Variants in SNCAIP observed in about 807,000 individuals in gnomAD.
The protein encoded by SNCAIP is synphilin-1.
Under a neutral mutation model 86.7 loss-of-function variants are expected in SNCAIP, and 43 were observed. That is an observed-to-expected ratio of 0.50 (90% confidence interval 0.39 to 0.64). The LOEUF is 0.64. Ranked by LOEUF, SNCAIP falls within the 30% of genes least tolerant of loss-of-function variation. The pLI is 0.00. For missense variants in SNCAIP, 981 were observed against 1,103.1 expected, an observed-to-expected ratio of 0.89 and a Z score of 1.57; for synonymous variants, 417 against 427.2, an observed-to-expected ratio of 0.98 and a Z score of 0.29.
intron 9 of SNCAIP, 54 bp downstream of exon 9, chr5:122,449,991 C>G: frequency 1.7e-6 from 2 of 1,208,130 alleles, no homozygotes; most frequent in Non-Finnish European, 2.5e-6. Flanking sequence ...ATTGTTAAGC[C>G]TTCTTCTGAA....
At chr5:122,384,997 A>C (rs373215052) in intron 1 of SNCAIP, among the ~76,000 whole-genome samples, 1 of 152,264 alleles carries the variant, frequency 6.6e-6, no homozygotes, top group East Asian at 1.9e-4. Flanking sequence ...GCCTGTTCCC[A>C]TACTGAAAGC....
At chr5:122,398,853 A>C (rs772790736) in intron 2 of SNCAIP, among the ~76,000 whole-genome samples, 1 of 152,134 alleles carries the variant, frequency 6.6e-6, no homozygotes, top group Non-Finnish European at 1.5e-5. Context: ...CCGTAGCCCA[A>C]CGTAGAAATC....
At chr5:122,337,298 A>C (rs1756681882) in intron 1 of SNCAIP, among the ~76,000 whole-genome samples, 1 of 152,136 alleles carries the variant, frequency 6.6e-6, no homozygotes, top group African/African-American at 2.4e-5. Context: ...CATTAGGAAA[A>C]ATGTAAGCAT....
At chr5:122,376,292 G>A (rs1580797251) in intron 1 of SNCAIP, among the ~76,000 whole-genome samples, 1 of 152,256 alleles carries the variant, frequency 6.6e-6, no homozygotes, top group East Asian at 1.9e-4. Flanking sequence ...GGCAATCAGG[G>A]TTGTGATGTG....
intron 1 of SNCAIP, among the ~76,000 whole-genome samples, chr5:122,359,144 A>G (rs1761696660): frequency 1.3e-5 from 2 of 152,050 alleles, no homozygotes; most frequent in Admixed American, 6.6e-5. Flanking sequence ...TCAAATAAGA[A>G]TTCTGTCAGA....
chr5:122,351,664 C>A (rs567257674), intron 1 of SNCAIP, among the ~76,000 whole-genome samples: 31 of 151,190 alleles, frequency 2.1e-4, no homozygotes, highest in Non-Finnish European at 2.9e-4. Context: ...TCATTAGGAC[C>A]CAGACAAGCC....
chr5:122,370,338 TATTA>T (rs979235849), intron 1 of SNCAIP, among the ~76,000 whole-genome samples: 109 of 151,398 alleles, frequency 7.2e-4, no homozygotes, highest in African/African-American at 2.2e-3. Flanking sequence ...TATTTATTGA[TATTA>T]ATTAATTATT....
chr5:122,327,586 C>G (rs1754367576), intron 1 of SNCAIP, among the ~76,000 whole-genome samples: 1 of 152,142 alleles, frequency 6.6e-6, no homozygotes, highest in Non-Finnish European at 1.5e-5. Flanking sequence ...CCCCTGAGCT[C>G]TTTCTCTCTC....
intron 6 of SNCAIP, among the ~76,000 whole-genome samples, chr5:122,433,032 G>A (rs1377769823): frequency 6.6e-6 from 1 of 151,838 alleles, no homozygotes; most frequent in African/African-American, 2.4e-5. Flanking sequence ...TCAAAAAGTA[G>A]ACAACACTAT....
intron 2 of SNCAIP, among the ~76,000 whole-genome samples, chr5:122,397,191 T>C (rs1770797360): frequency 6.6e-6 from 1 of 152,140 alleles, no homozygotes; most frequent in South Asian, 2.1e-4. Context: ...GCAGGTAGTC[T>C]GACTCTAGAA....
chr5:122,404,368 A>C (rs1183617454), intron 3 of SNCAIP, among the ~76,000 whole-genome samples: 1 of 152,244 alleles, frequency 6.6e-6, no homozygotes, highest in Non-Finnish European at 1.5e-5. Flanking sequence ...GGAGTTTAAT[A>C]GTGTAAACTA....
At chr5:122,321,843 G>T (rs772467959) in intron 1 of SNCAIP, 1 of 152,094 alleles carries the variant, frequency 6.6e-6, no homozygotes, top group Non-Finnish European at 1.5e-5. Context: ...ACCTAGAATT[G>T]TATTGAGACT....
intron 1 of SNCAIP, among the ~76,000 whole-genome samples, chr5:122,372,244 T>C (rs1764421797): frequency 6.6e-6 from 1 of 152,196 alleles, no homozygotes; most frequent in Admixed American, 6.5e-5. Flanking sequence ...GTCAGGCCAA[T>C]GTTGTGTTTC....
intron 1 of SNCAIP, among the ~76,000 whole-genome samples, chr5:122,352,817 C>G (rs760413942): frequency 6.6e-6 from 1 of 152,050 alleles, no homozygotes; most frequent in African/African-American, 2.4e-5. Context: ...CAAGACCAGC[C>G]TAGGCAGCAC....
intron 1 of SNCAIP, among the ~76,000 whole-genome samples, chr5:122,380,861 T>C (rs1326659183): frequency 2.0e-5 from 3 of 152,278 alleles, no homozygotes; most frequent in Middle Eastern, 3.4e-3. Context: ...TTAAGTGAGA[T>C]TCTTAATCCT....
intron 3 of SNCAIP, among the ~76,000 whole-genome samples, chr5:122,405,314 G>A (rs1308333321): frequency 6.6e-6 from 1 of 152,156 alleles, no homozygotes; most frequent in South Asian, 2.1e-4. Flanking sequence ...GTATCAAAAG[G>A]TTACTTTGCA....
intron 1 of SNCAIP, among the ~76,000 whole-genome samples, chr5:122,351,536 C>CAAAAAAAAAAAAATAAAAAA (rs1759798860): frequency 2.7e-5 from 1 of 36,492 alleles, no homozygotes; most frequent in Non-Finnish European, 5.3e-5. Context: ...GACTCTGTAT[C>CAAAAAAAAAAAAATAAAAAA]AAAAAAAAAA....
rs1420588563 is a variant in SNCAIP, at chr5:122,348,382, G to T, written c.-47+36098G>T. ...TTCTTGAATAGTGGGATGGTAAAAG[G>T]TCCCTGCCCTCATCGTCTGAGTCCC... On this transcript the variant is annotated intron_variant, in intron 1 of 10. Coordinates refer to ENST00000261368, the MANE Select transcript of SNCAIP (RefSeq NM_005460.4). 3.9e-5 allele frequency among the ~76,000 whole-genome samples: 6 copies of T among 152,058 alleles called. 1 individual carries two copies. Among genetic ancestry groups the T allele is most frequent in the Admixed American group, 3.3e-4 (5 of 15,240 alleles).
In SNCAIP at chr5:122,423,577, C is replaced by T. The variant is rs1166693355; in HGVS notation, c.840C>T (p.Leu280=). Residue 280 remains leucine (L), a synonymous_variant, in exon 4 of 11, where the codon CTC becomes CTT. Coordinates refer to ENST00000261368, the MANE Select transcript of SNCAIP (RefSeq NM_005460.4). ...KVEKTTPDCQ[L]RAFHLQSSAA... ...AGAAGACAACACCAGACTGCCAGCT[C>T]AGGGCCTTCCACCTACAATCCTCAG... is the stretch of plus-strand genomic sequence containing the variant. The T allele has an allele frequency of 1.2e-6, 2 of 1,614,186 alleles. No homozygotes were observed. The highest frequency in any genetic ancestry group is 2.2e-5 in the East Asian group (1 of 44,874).
Sources: allele counts gnomAD v4.1 joint callset (sites outside exome capture counted in the v4.1 genomes callset), GRCh38; gene constraint gnomAD v4.1.1; transcripts MANE v1.5; gene names NCBI Gene and HGNC (gene_info 2026-07-23, HGNC 2026-07-21).